The following GRID2 variants were observed in gnomAD, a reference collection of about 807,000 sequenced individuals.
The protein encoded by GRID2 is glutamate ionotropic receptor delta type subunit 2, also known as glutamate receptor ionotropic, delta-2.
A neutral mutation model predicts 114.8 loss-of-function variants in GRID2; 33 were observed. The ratio of observed to expected loss-of-function variants is 0.29; its 90% CI spans 0.22 to 0.38. The LOEUF (loss-of-function observed/expected upper bound fraction) is 0.38. Ranked by LOEUF, GRID2 falls within the 10% of genes least tolerant of loss-of-function variation. The probability of loss-of-function intolerance (pLI) is 1.00; values close to 1 mark genes in which losing one functional copy is unlikely to be tolerated. For synonymous variants in GRID2, 505 were observed against 449.9 expected, an observed-to-expected ratio of 1.12 and a Z score of -1.55; for missense variants, 1,184 against 1,257.7, an observed-to-expected ratio of 0.94 and a Z score of 0.89.
chr4:93,286,990 T>G (rs1753242648), intron 8 of GRID2, among the ~76,000 whole-genome samples: 1 of 152,076 alleles, frequency 6.6e-6, no homozygotes, highest in African/African-American at 2.4e-5. Flanking sequence ...AGAAAAATGA[T>G]AGTATTATTG....
At chr4:92,718,323 TA>T (rs1354696690) in intron 2 of GRID2, among the ~76,000 whole-genome samples, 1 of 152,128 alleles carries the variant, frequency 6.6e-6, no homozygotes, top group Admixed American at 6.5e-5. Flanking sequence ...ATGAACTGTG[TA>T]CTTGTTTACA....
intron 2 of GRID2, among the ~76,000 whole-genome samples, chr4:92,825,793 G>A (rs141565953): frequency 6.6e-6 from 1 of 152,244 alleles, no homozygotes; most frequent in East Asian, 1.9e-4. Context: ...TAGACACCTG[G>A]ACATTGTGCC....
chr4:92,553,409 A>G (rs141172545), intron 1 of GRID2, among the ~76,000 whole-genome samples: 127 of 152,214 alleles, frequency 8.3e-4, no homozygotes, highest in African/African-American at 2.9e-3. Context: ...AAGCTTGTTG[A>G]TTTGGGTAAG....
chr4:93,430,714 A>G (rs1057376238), intron 10 of GRID2, among the ~76,000 whole-genome samples: 2 of 152,270 alleles, frequency 1.3e-5, no homozygotes, highest in South Asian at 4.1e-4. Context: ...AGGTTAAACT[A>G]GACACTTATA....
chr4:93,459,147 T>C (rs1223012050), intron 11 of GRID2, among the ~76,000 whole-genome samples: 1 of 115,036 alleles, frequency 8.7e-6, no homozygotes, highest in Non-Finnish European at 1.6e-5. Context: ...GCCATTGCAC[T>C]CCAGCCGGGA....
intron 2 of GRID2, among the ~76,000 whole-genome samples, chr4:92,981,952 T>C (rs1303114752): frequency 1.3e-5 from 2 of 148,206 alleles, no homozygotes; most frequent in Non-Finnish European, 3.0e-5. Flanking sequence ...GGACAAACTG[T>C]GCTGACATAT....
chr4:92,375,850 G>A (rs965934528), intron 1 of GRID2, among the ~76,000 whole-genome samples: 1 of 152,016 alleles, frequency 6.6e-6, no homozygotes, highest in Non-Finnish European at 1.5e-5. Context: ...CAATTTAATA[G>A]GTAATTGTAT....
chr4:92,395,649 G>T (rs1397465088), intron 1 of GRID2, among the ~76,000 whole-genome samples: 2 of 151,574 alleles, frequency 1.3e-5, no homozygotes, highest in Non-Finnish European at 3.0e-5. Context: ...CTATCTATGT[G>T]TCTCATAGAT....
At chr4:92,841,592 CT>C (rs1294960137) in intron 2 of GRID2, among the ~76,000 whole-genome samples, 1 of 151,660 alleles carries the variant, frequency 6.6e-6, no homozygotes, top group Non-Finnish European at 1.5e-5. Flanking sequence ...AGATGCAGTC[CT>C]TTTTCCTACA....
At chr4:93,730,554 T>C (rs934187754) in intron 14 of GRID2, among the ~76,000 whole-genome samples, 3 of 152,180 alleles carry the variant, frequency 2.0e-5, no homozygotes, top group African/African-American at 4.8e-5. Flanking sequence ...CAAGAGAGCA[T>C]TGGCTCCCCC....
chr4:93,684,414 T>C (rs1043041175), intron 14 of GRID2, among the ~76,000 whole-genome samples: 1 of 152,166 alleles, frequency 6.6e-6, no homozygotes, highest in African/African-American at 2.4e-5. Flanking sequence ...CTGTGTTTTC[T>C]TCATGTTGAA....
At chr4:92,371,123 G>A (rs1413908317) in intron 1 of GRID2, among the ~76,000 whole-genome samples, 3 of 152,116 alleles carry the variant, frequency 2.0e-5, no homozygotes, top group Non-Finnish European at 4.4e-5. Context: ...AGAAAACTTA[G>A]AAGCTAGCAG....
chr4:93,190,691 A>C (rs1339039676), intron 4 of GRID2, among the ~76,000 whole-genome samples: 2 of 152,050 alleles, frequency 1.3e-5, no homozygotes, highest in Non-Finnish European at 2.9e-5. Flanking sequence ...GAAAATACAC[A>C]ATTTAGCAAT....
intron 1 of GRID2, among the ~76,000 whole-genome samples, chr4:92,501,427 C>T (rs751567324): frequency 6.6e-6 from 1 of 152,074 alleles, no homozygotes; most frequent in Non-Finnish European, 1.5e-5. Context: ...TTCAATGTGC[C>T]CACAAAACAG....
chr4:93,495,527 A>G (rs1029164321), intron 12 of GRID2, among the ~76,000 whole-genome samples: 2 of 151,790 alleles, frequency 1.3e-5, no homozygotes, highest in Non-Finnish European at 2.9e-5. Flanking sequence ...CATCGAGGGC[A>G]TGGTAAGACT....
rs185372270 is a variant in GRID2 at position 92,442,728 on chromosome 4, G to A, written c.88+137984G>A. Reference sequence around the variant, plus strand: ...AGGGTCTAGGGCTGTAAAGTGTCTCGGTTGCTGGCAAACAAGTCATGAACT... The same window carrying A: ...AGGGTCTAGGGCTGTAAAGTGTCTCAGTTGCTGGCAAACAAGTCATGAACT... On this transcript the variant is annotated intron_variant, in intron 1 of 15. Transcript: ENST00000282020. Among the ~76,000 whole-genome samples, 27 of 151,996 alleles carry A rather than the reference G, an allele frequency of 1.8e-4. No individual in the cohort carries two copies. In the East Asian group the frequency reaches 2.3e-3, roughly 13 times the overall value.
Position 93,611,002 on chromosome 4 carries a change from G to A in GRID2, c.2194-15267G>A, listed in dbSNP as rs1047273609. Among the ~76,000 whole-genome samples the A allele has an allele frequency of 1.8e-4, 24 of 131,098 alleles. 2 individuals are homozygous for A. The highest frequency in any genetic ancestry group is 3.4e-4 in the Non-Finnish European group (21 of 61,600). 86.0% of individuals were successfully genotyped at this position (131,098 alleles called of 152,430 possible). Reference sequence around the variant, plus strand: ...TGCCACAATTTCAGAGCCTGTTATTGGTCTATTCAGAGATTCAACTTCTTC... The same window carrying A: ...TGCCACAATTTCAGAGCCTGTTATTAGTCTATTCAGAGATTCAACTTCTTC... On this transcript the variant is annotated intron_variant, in intron 13 of 15. Coordinates refer to ENST00000282020, the MANE Select transcript of GRID2 (RefSeq NM_001510.4).
chr4:93,126,787 C>T (rs1734317912), intron 4 of GRID2, among the ~76,000 whole-genome samples: 1 of 150,794 alleles, frequency 6.6e-6, no homozygotes, highest in African/African-American at 2.4e-5. Context: ...TTAGTAGAGA[C>T]GGGGTTTCAC....
chr4:92,471,703 A>G (rs933226115), intron 1 of GRID2, among the ~76,000 whole-genome samples: 2 of 152,204 alleles, frequency 1.3e-5, no homozygotes, highest in African/African-American at 4.8e-5. Flanking sequence ...TTGTAAACAC[A>G]AAGTAGTCAT....
Sources: allele counts gnomAD v4.1 joint callset (sites outside exome capture counted in the v4.1 genomes callset), GRCh38; gene constraint gnomAD v4.1.1; transcripts MANE v1.5; gene names NCBI Gene and HGNC (gene_info 2026-07-23, HGNC 2026-07-21).